DLG2: variants seen among roughly 807,000 people sequenced by gnomAD.
The protein encoded by DLG2 is discs large MAGUK scaffold protein 2, also known as disks large homolog 2.
DLG2 carries 45 observed loss-of-function variants against 132.5 expected under a neutral mutation model. The observed-to-expected ratio is 0.34, with a 90% CI of 0.27 to 0.44. The LOEUF (loss-of-function observed/expected upper bound fraction) is 0.44. Ranked by LOEUF, DLG2 falls within the 20% of genes least tolerant of loss-of-function variation. The pLI is 1.00. For synonymous variants in DLG2, 424 were observed against 419.6 expected, an observed-to-expected ratio of 1.01 and a Z score of -0.13; for missense variants, 1,045 against 1,196.9, an observed-to-expected ratio of 0.87 and a Z score of 1.87.
intron 6 of DLG2, among the ~76,000 whole-genome samples, chr11:84,867,278 A>G (rs1321478094): frequency 6.6e-6 from 1 of 152,180 alleles, no homozygotes; most frequent in African/African-American, 2.4e-5. Flanking sequence ...CACGTGCTGG[A>G]AGTGTCTGAA....
At chr11:84,874,909 T>C (rs2086087042) in intron 6 of DLG2, among the ~76,000 whole-genome samples, 1 of 151,290 alleles carries the variant, frequency 6.6e-6, no homozygotes. Context: ...TAATCCCACC[T>C]ACTTGGGAGG....
intron 21 of DLG2, among the ~76,000 whole-genome samples, chr11:83,491,359 C>G (rs1017756824): frequency 2.0e-5 from 3 of 151,908 alleles, no homozygotes; most frequent in African/African-American, 7.2e-5. Context: ...AGCTAATCCT[C>G]TTTTGATCTC....
chr11:85,141,742 T>TA (rs2076494194), intron 5 of DLG2, among the ~76,000 whole-genome samples: 1 of 151,684 alleles, frequency 6.6e-6, no homozygotes, highest in Non-Finnish European at 1.5e-5. Flanking sequence ...TATGGTGAGA[T>TA]ATAGGGTTGT....
chr11:85,317,769 T>A (rs1362381230), intron 3 of DLG2, among the ~76,000 whole-genome samples: 1 of 151,634 alleles, frequency 6.6e-6, no homozygotes, highest in African/African-American at 2.4e-5. Context: ...GGATGAAGGG[T>A]AGGAGGAGGG....
chr11:84,689,238 C>T (rs1195960962), intron 6 of DLG2, among the ~76,000 whole-genome samples: 1 of 151,992 alleles, frequency 6.6e-6, no homozygotes. Context: ...ACTAGTATTT[C>T]TGGAGGTAAA....
At chr11:83,723,312 G>A (rs945894176) in intron 18 of DLG2, among the ~76,000 whole-genome samples, 8 of 152,098 alleles carry the variant, frequency 5.3e-5, no homozygotes, top group East Asian at 1.9e-4. Context: ...CCCAGGAGGC[G>A]GAGGTTGCAG....
chr11:84,164,975 T>C (rs1281388662), intron 8 of DLG2, among the ~76,000 whole-genome samples: 2 of 152,164 alleles, frequency 1.3e-5, no homozygotes, highest in Non-Finnish European at 2.9e-5. Context: ...GGGTTTTGTT[T>C]TGTATATGCA....
intron 6 of DLG2, among the ~76,000 whole-genome samples, chr11:85,060,305 GTATATAA>G (rs1266947996): frequency 2.0e-5 from 3 of 150,392 alleles, no homozygotes; most frequent in Non-Finnish European, 4.4e-5. Flanking sequence ...CTAAGTATAT[GTATATAA>G]TATATAACAT....
intron 6 of DLG2, among the ~76,000 whole-genome samples, chr11:84,978,533 T>C (rs2154118289): frequency 6.6e-6 from 1 of 152,252 alleles, no homozygotes; most frequent in East Asian, 1.9e-4. Context: ...CATCTGATCT[T>C]TGACAAACCT....
chr11:85,284,096 C>G (rs1485435055), intron 4 of DLG2, among the ~76,000 whole-genome samples: 1 of 151,772 alleles, frequency 6.6e-6, no homozygotes, highest in Admixed American at 6.6e-5. Flanking sequence ...ATGTAAAAGA[C>G]ATAAAATGCC....
chr11:84,548,473 T>C (rs2099395011), intron 6 of DLG2, among the ~76,000 whole-genome samples: 1 of 130,390 alleles, frequency 7.7e-6, no homozygotes. Flanking sequence ...GATGTTCCCC[T>C]TCCTGTGTCC....
At chr11:85,155,278 C>A (rs978592950) in intron 4 of DLG2, among the ~76,000 whole-genome samples, 3 of 152,150 alleles carry the variant, frequency 2.0e-5, no homozygotes, top group Non-Finnish European at 4.4e-5. Flanking sequence ...GAAATTGGTA[C>A]AAGAAGATGT....
chr11:83,738,383 T>C (rs990557358), intron 18 of DLG2, among the ~76,000 whole-genome samples: 13 of 152,050 alleles, frequency 8.5e-5, no homozygotes, highest in African/African-American at 2.7e-4. Context: ...AGGCTTCTCT[T>C]TGGGGGCTGC....
intron 3 of DLG2, among the ~76,000 whole-genome samples, chr11:85,355,246 A>G (rs887684540): frequency 6.6e-6 from 1 of 152,172 alleles, no homozygotes; most frequent in Non-Finnish European, 1.5e-5. Context: ...CTAGGCATAA[A>G]AGATTTGATT....
At chr11:84,327,357 G>A (rs1054984048) in intron 7 of DLG2, among the ~76,000 whole-genome samples, 2 of 151,966 alleles carry the variant, frequency 1.3e-5, no homozygotes, top group African/African-American at 4.8e-5. Context: ...TGCTGGGATT[G>A]CAGTTGTGAG....
chr11:84,947,571 A>G (rs2050378375), intron 6 of DLG2, among the ~76,000 whole-genome samples: 1 of 152,210 alleles, frequency 6.6e-6, no homozygotes, highest in Non-Finnish European at 1.5e-5. Context: ...ACCCCTTGCT[A>G]TGATGCTTTC....
At chr11:85,521,713 G>C (rs1165241234) in intron 3 of DLG2, among the ~76,000 whole-genome samples, 1 of 152,128 alleles carries the variant, frequency 6.6e-6, no homozygotes, top group Non-Finnish European at 1.5e-5. Context: ...AGGCTGAGGT[G>C]GACTCAGATG....
chr11:84,083,161 T>C (rs143228119), intron 10 of DLG2, among the ~76,000 whole-genome samples: 3,783 of 152,174 alleles, frequency 0.025, 152 homozygotes, highest in African/African-American at 0.086. Context: ...GCACCTGTAA[T>C]CCCAGCTACT....
rs1022349094 is a variant in DLG2, at chr11:85,082,043, T to C, written c.357+29618A>G. ...ATGGCTATCCATAGTTTGTTGAACT[T>C]AACCATTTAAAAAAAATGGGCAATT... On this transcript the variant is annotated intron_variant, in intron 6 of 27. Coordinates refer to ENST00000376104, the MANE Select transcript of DLG2 (RefSeq NM_001142699.3). 7.9e-5 allele frequency among the ~76,000 whole-genome samples: 12 copies of C among 152,230 alleles called. No individual in the cohort carries two copies. In the East Asian group the frequency reaches 2.1e-3, roughly 27 times the overall value.
Sources: gnomAD v4.1 joint callset for allele counts (sites outside exome capture counted in the v4.1 genomes callset) on GRCh38, gnomAD v4.1.1 for gene constraint, MANE v1.5 for transcripts, NCBI Gene and HGNC (gene_info 2026-07-23, HGNC 2026-07-21) for gene names.